Variants in DACH2 observed in about 807,000 individuals in gnomAD.
The protein encoded by DACH2 is dachshund homolog 2.
In DACH2, 17 loss-of-function variants were observed where a neutral mutation model predicts 35.8. The observed-to-expected ratio is 0.48, with a 90% CI of 0.33 to 0.71. The LOEUF (loss-of-function observed/expected upper bound fraction) is 0.71. DACH2 is among the 30% of genes least tolerant of loss of function. DACH2 has a pLI of 0.02. For synonymous variants in DACH2, 195 were observed against 177.3 expected (o/e 1.10, Z -0.79); for missense variants, 469 against 472.7 (o/e 0.99, Z 0.07).
At chrX:86,327,059 A>T (rs1008833736) in intron 1 of DACH2, among the ~76,000 whole-genome samples, 7 of 112,138 alleles carry the variant, frequency 6.2e-5, no homozygotes, top group African/African-American at 2.3e-4. Flanking sequence ...TGAAATACAG[A>T]TTTGAACTTG....
chrX:86,573,481 A>T (rs1180939980), intron 3 of DACH2, among the ~76,000 whole-genome samples: 1 of 111,705 alleles, frequency 9.0e-6, no homozygotes, highest in Admixed American at 9.5e-5. Flanking sequence ...TGCTTGTTGG[A>T]TAGCAGTGAT....
chrX:86,279,966 C>T (rs1160683524), intron 1 of DACH2, among the ~76,000 whole-genome samples: 1 of 109,439 alleles, frequency 9.1e-6, no homozygotes, highest in Non-Finnish European at 1.9e-5. Context: ...AAAGACCAAA[C>T]CTACGTTTTA....
intron 4 of DACH2, among the ~76,000 whole-genome samples, chrX:86,664,899 G>C (rs1175616615): frequency 9.0e-6 from 1 of 111,444 alleles, no homozygotes; most frequent in Non-Finnish European, 1.9e-5. Context: ...AGGCAAAAGG[G>C]GTACATCTTT....
At chrX:86,552,745 A>G (rs1196012277) in intron 3 of DACH2, among the ~76,000 whole-genome samples, 1 of 111,534 alleles carries the variant, frequency 9.0e-6, no homozygotes, top group Admixed American at 9.6e-5. Flanking sequence ...CTAATTTAAT[A>G]CAATGGTTAT....
chrX:86,430,677 T>G (rs1468918945), intron 2 of DACH2, among the ~76,000 whole-genome samples: 6 of 112,067 alleles, frequency 5.4e-5, no homozygotes, highest in African/African-American at 1.6e-4. Flanking sequence ...ATTATCGTAC[T>G]GGTCATTTTT....
At position 86,289,677 on chromosome X, in the gene DACH2, T is replaced by G. The variant is rs1325370126; in HGVS notation, c.489-87147T>G. Among the ~76,000 whole-genome samples the G allele has an allele frequency of 2.9e-5, 3 of 103,867 alleles. No homozygotes were observed. In the East Asian group the frequency reaches 9.5e-4, roughly 33 times the overall value. The allele number at this position is 103,867 out of a possible 115,157, so 90.2% of individuals were successfully genotyped here. A position where few individuals can be genotyped will look rare whatever the true frequency, so the allele number is the denominator to read the frequency against. On this transcript the variant is annotated intron_variant, in intron 1 of 11. Coordinates refer to ENST00000373125, the MANE Select transcript of DACH2 (RefSeq NM_053281.3). ...ATGAGTGAGAATATGCGGTGTTTGG[T>G]TTTTTCTTCTTGCGATAGTTTACTG...
intron 1 of DACH2, among the ~76,000 whole-genome samples, chrX:86,275,496 C>T (rs2033900917): frequency 9.0e-6 from 1 of 111,433 alleles, no homozygotes; most frequent in Non-Finnish European, 1.9e-5. Flanking sequence ...GAAATAAGCA[C>T]ATCAAGGAGA....
chrX:86,289,336 G>T (rs1204071233), intron 1 of DACH2, among the ~76,000 whole-genome samples: 1 of 107,478 alleles, frequency 9.3e-6, no homozygotes, highest in African/African-American at 3.4e-5. Context: ...TGCGAGCTGT[G>T]CAGCCTGTGG....
intron 1 of DACH2, among the ~76,000 whole-genome samples, chrX:86,254,810 A>ATATATC (rs2033483971): frequency 1.4e-5 from 1 of 73,489 alleles, no homozygotes; most frequent in Non-Finnish European, 2.7e-5. Context: ...ATATATATAG[A>ATATATC]GAGAGAGAGA....
chrX:86,609,818 T>C (rs146342340), intron 3 of DACH2, among the ~76,000 whole-genome samples: 6 of 110,856 alleles, frequency 5.4e-5, no homozygotes, highest in African/African-American at 2.0e-4. Context: ...CAAAATAGAG[T>C]CTCTTTGTCT....
At chrX:86,348,042 C>T (rs779586457) in intron 1 of DACH2, among the ~76,000 whole-genome samples, 1 of 111,470 alleles carries the variant, frequency 9.0e-6, no homozygotes, top group South Asian at 3.8e-4. Context: ...GCATATCAGC[C>T]GGATGCACTC....
intron 3 of DACH2, among the ~76,000 whole-genome samples, chrX:86,579,648 T>A (rs1391124149): frequency 8.9e-6 from 1 of 112,146 alleles, no homozygotes; most frequent in Non-Finnish European, 1.9e-5. Flanking sequence ...ACAGAACAAA[T>A]GTTATTAATT....
intron 3 of DACH2, among the ~76,000 whole-genome samples, chrX:86,577,282 TAAG>T (rs955914303): frequency 1.8e-5 from 2 of 110,701 alleles, no homozygotes; most frequent in Non-Finnish European, 3.8e-5. Context: ...TGGGAGAAAA[TAAG>T]AAGTAGATGT....
At chrX:86,496,905 C>T (rs767263523) in intron 2 of DACH2, among the ~76,000 whole-genome samples, 1 of 111,340 alleles carries the variant, frequency 9.0e-6, no homozygotes, top group Non-Finnish European at 1.9e-5. Flanking sequence ...AGCAGGGAGC[C>T]CCCAAGCTTT....
intron 2 of DACH2, among the ~76,000 whole-genome samples, chrX:86,469,451 A>AAT (rs1216842705): frequency 9.0e-6 from 1 of 111,037 alleles, no homozygotes; most frequent in African/African-American, 3.3e-5. Flanking sequence ...GTATACCATA[A>AAT]ATATATATAA....
rs757692619 is a variant in DACH2, at chrX:86,464,167, T to G, written c.528-50112T>G. 5.4e-5 allele frequency among the ~76,000 whole-genome samples: 6 copies of G among 111,139 alleles called. No homozygotes were observed. In the South Asian group the frequency reaches 2.3e-3, roughly 43 times the overall value. On this transcript the variant is annotated intron_variant, in intron 2 of 11. Coordinates refer to ENST00000373125, the MANE Select transcript of DACH2 (RefSeq NM_053281.3). Reference sequence around the variant, plus strand: ...CCACTTGACCCAGTAATCCCATTACTGGGTATATACTCAAAGGATTATAAA... The same window carrying G: ...CCACTTGACCCAGTAATCCCATTACGGGGTATATACTCAAAGGATTATAAA...
chrX:86,703,221 C>T (rs2041164681), intron 5 of DACH2, among the ~76,000 whole-genome samples: 1 of 110,924 alleles, frequency 9.0e-6, no homozygotes, highest in African/African-American at 3.3e-5. Context: ...TCAAGCATTC[C>T]TTTATTATAA....
At chrX:86,710,357 G>C (rs1409450181) in intron 5 of DACH2, among the ~76,000 whole-genome samples, 1 of 111,695 alleles carries the variant, frequency 9.0e-6, no homozygotes, top group African/African-American at 3.3e-5. Context: ...CCAGAGGATG[G>C]GGAGAGGGAT....
intron 1 of DACH2, among the ~76,000 whole-genome samples, chrX:86,303,023 G>A (rs1242438859): frequency 9.5e-6 from 1 of 104,873 alleles, no homozygotes; most frequent in African/African-American, 3.5e-5. Flanking sequence ...ATGAGAAACT[G>A]AAGCACAGAG....
Sources: allele counts gnomAD v4.1 joint callset (sites outside exome capture counted in the v4.1 genomes callset), GRCh38; gene constraint gnomAD v4.1.1; transcripts MANE v1.5; gene names NCBI Gene and HGNC (gene_info 2026-07-23, HGNC 2026-07-21).